SGPP2: variants seen among roughly 807,000 people sequenced by gnomAD.
The protein encoded by SGPP2 is sphingosine 1-phosphate phosphohydrolase 2.
Under a neutral mutation model 33.9 loss-of-function variants are expected in SGPP2, and 30 were observed. That is an observed-to-expected ratio of 0.89 (90% CI 0.66 to 1.20). SGPP2 has a LOEUF of 1.20. SGPP2 is among the 50% of genes most tolerant of loss of function. The pLI, the probability that SGPP2 is intolerant of heterozygous loss-of-function variation, is 0.00. For synonymous variants in SGPP2, 233 were observed against 225.0 expected, an observed-to-expected ratio of 1.04 and a Z score of -0.32; for missense variants, 458 against 532.1, an observed-to-expected ratio of 0.86 and a Z score of 1.37.
chr2:222,431,348 A>C (rs940364341), intron 1 of SGPP2, among the ~76,000 whole-genome samples: 1 of 152,056 alleles, frequency 6.6e-6, no homozygotes. Context: ...CTACCAAAAA[A>C]TATGAAAATT....
intron 1 of SGPP2, among the ~76,000 whole-genome samples, chr2:222,467,563 A>G (rs1019838125): frequency 6.6e-6 from 1 of 152,098 alleles, no homozygotes; most frequent in African/African-American, 2.4e-5. Flanking sequence ...CTTTGCCTCT[A>G]GCATCCATTT....
intron 2 of SGPP2, among the ~76,000 whole-genome samples, chr2:222,479,426 A>G (rs1697995873): frequency 8.1e-6 from 1 of 122,854 alleles, no homozygotes. Context: ...TTTTTGAGAC[A>G]GAGTATCGCT....
chr2:222,522,740 G>A (rs954727629), intron 3 of SGPP2, among the ~76,000 whole-genome samples: 13 of 152,048 alleles, frequency 8.5e-5, no homozygotes, highest in Admixed American at 8.5e-4. Context: ...GTGCAGTGGC[G>A]CCATCACCAC....
chr2:222,434,975 T>TACACACACACACACAC (rs71053082), intron 1 of SGPP2, among the ~76,000 whole-genome samples: 4 of 146,008 alleles, frequency 2.7e-5, no homozygotes, highest in East Asian at 2.0e-4. Flanking sequence ...TGGAGATATA[T>TACACACACACACACAC]ACACACACAC....
chr2:222,488,323 C>T (rs79114817), intron 2 of SGPP2, among the ~76,000 whole-genome samples: 2,052 of 152,242 alleles, frequency 0.013, 23 homozygotes, highest in Non-Finnish European at 0.021. Context: ...AGTGGGTGAG[C>T]GAGCATTACT....
intron 2 of SGPP2, among the ~76,000 whole-genome samples, 184 bp from the exon 3 acceptor site, chr2:222,521,583 C>T (rs934596719): frequency 2.0e-5 from 3 of 152,202 alleles, no homozygotes; most frequent in Non-Finnish European, 4.4e-5. Flanking sequence ...CCTATGGAAT[C>T]CAGAAAGTCT....
chr2:222,427,091 C>T (rs78341527), intron 1 of SGPP2, among the ~76,000 whole-genome samples: 231 of 152,200 alleles, frequency 1.5e-3, no homozygotes, highest in African/African-American at 5.4e-3. Flanking sequence ...TTTAAATGTG[C>T]CTTTGTGTGG....
intron 1 of SGPP2, among the ~76,000 whole-genome samples, chr2:222,443,556 A>G (rs1018790248): frequency 2.0e-5 from 3 of 152,074 alleles, no homozygotes; most frequent in Non-Finnish European, 4.4e-5. Context: ...AATAATGACA[A>G]TTTTCTTTCC....
At chr2:222,544,691 T>C (rs879503567) in intron 4 of SGPP2, among the ~76,000 whole-genome samples, 2 of 152,180 alleles carry the variant, frequency 1.3e-5, no homozygotes, top group Non-Finnish European at 2.9e-5. Flanking sequence ...ATATTTTTGA[T>C]CCAAGATTGG....
chr2:222,425,742 C>T (rs895141410), intron 1 of SGPP2, among the ~76,000 whole-genome samples: 2 of 152,184 alleles, frequency 1.3e-5, no homozygotes, highest in Admixed American at 1.3e-4. Context: ...TTGTACACAG[C>T]CACATTTTGT....
chr2:222,539,124 C>T (rs1199715443), intron 4 of SGPP2, among the ~76,000 whole-genome samples: 2 of 152,134 alleles, frequency 1.3e-5, no homozygotes, highest in East Asian at 3.9e-4. Flanking sequence ...TCCCTTCCGT[C>T]TAGGAGCCTG....
At chr2:222,507,396 G>A (rs562157359) in intron 2 of SGPP2, among the ~76,000 whole-genome samples, 3 of 152,170 alleles carry the variant, frequency 2.0e-5, no homozygotes, top group Admixed American at 6.6e-5. Flanking sequence ...GACAGGAATC[G>A]TTCATGGTTT....
intron 4 of SGPP2, among the ~76,000 whole-genome samples, chr2:222,530,990 T>C (rs1211088029): frequency 6.6e-6 from 1 of 152,164 alleles, no homozygotes; most frequent in Non-Finnish European, 1.5e-5. Flanking sequence ...GGTATGCTTG[T>C]ACAACTGCAC....
chr2:222,456,624 C>A (rs1697578371), intron 1 of SGPP2, among the ~76,000 whole-genome samples: 1 of 152,146 alleles, frequency 6.6e-6, no homozygotes, highest in South Asian at 2.1e-4. Context: ...AGAGTTCCCA[C>A]AAGGAATCTA....
intron 1 of SGPP2, among the ~76,000 whole-genome samples, chr2:222,451,347 C>T (rs890607830): frequency 5.9e-5 from 9 of 152,312 alleles, no homozygotes; most frequent in Admixed American, 2.0e-4. Context: ...AACTTCTCAC[C>T]CCATTGATGG....
At chr2:222,452,752 G>A (rs560188139) in intron 1 of SGPP2, 1 of 1,450,584 alleles carries the variant, frequency 6.9e-7, no homozygotes, top group Admixed American at 1.7e-5. Flanking sequence ...GTGTTCACCA[G>A]GCATTCCTGG....
In SGPP2 at chr2:222,550,998, A is replaced by G; in HGVS notation, c.649-7349A>G. On this transcript the variant is annotated intron_variant, in intron 4 of 4. Coordinates refer to ENST00000321276, the MANE Select transcript of SGPP2 (RefSeq NM_152386.4). This position sits in a 1 kb window ranked among gnomAD's most constrained non-coding sequence, Gnocchi z 4.5. ...GTATATTTTGTATACTTTGTAGTCT[A>G]GTTATACTTCTCTATGGGAAGGAGT... Among the ~76,000 whole-genome samples the G allele has an allele frequency of 6.6e-6, 1 of 151,248 alleles. No individual in the cohort carries two copies. Among genetic ancestry groups the G allele is most frequent in the East Asian group, 1.9e-4 (1 of 5,198 alleles).
intron 2 of SGPP2, among the ~76,000 whole-genome samples, chr2:222,505,479 A>G (rs542759928): frequency 7.2e-5 from 11 of 152,324 alleles, no homozygotes; most frequent in Non-Finnish European, 1.5e-4. Flanking sequence ...TTTTCTGTAA[A>G]TTTGCAACAA....
intron 1 of SGPP2, among the ~76,000 whole-genome samples, chr2:222,451,476 G>T (rs969752378): frequency 6.6e-6 from 1 of 152,166 alleles, no homozygotes; most frequent in Admixed American, 6.5e-5. Flanking sequence ...TGTGCCCAAG[G>T]CACCTAAACC....
Sources: gnomAD v4.1 joint callset for allele counts (sites outside exome capture counted in the v4.1 genomes callset) on GRCh38, gnomAD v4.1.1 for gene constraint, Gnocchi (gnomAD v3.1) non-coding constraint, MANE v1.5 for transcripts, NCBI Gene and HGNC (gene_info 2026-07-23, HGNC 2026-07-21) for gene names.